Variants in WDR35 observed in about 807,000 individuals in gnomAD.
WDR35 encodes the protein WD repeat-containing protein 35.
In WDR35, 118 loss-of-function variants were observed where a neutral mutation model predicts 158.3. That is an observed-to-expected ratio of 0.75 (90% CI 0.64 to 0.87). WDR35 has a LOEUF of 0.87. Ranked by LOEUF, WDR35 falls within the 40% of genes least tolerant of loss-of-function variation. The pLI is 0.00. For missense variants in WDR35, 1,263 were observed against 1,405.8 expected (o/e 0.90, Z 1.62); for synonymous variants, 448 against 476.1 (o/e 0.94, Z 0.77).
intron 25 of WDR35, among the ~76,000 whole-genome samples, chr2:19,930,087 T>G (rs764900494): frequency 6.7e-6 from 1 of 150,144 alleles, no homozygotes; most frequent in Non-Finnish European, 1.5e-5. Context: ...AATAGATATA[T>G]GTATATATAT....
intron 2 of WDR35, among the ~76,000 whole-genome samples, chr2:19,986,763 G>A (rs1427756852): frequency 6.6e-6 from 1 of 152,144 alleles, no homozygotes; most frequent in Non-Finnish European, 1.5e-5. Context: ...GTAAAAAGAT[G>A]GATTGCTGGT....
intron 17 of WDR35, among the ~76,000 whole-genome samples, chr2:19,941,286 C>T (rs1050982128): frequency 2.6e-5 from 4 of 151,890 alleles, no homozygotes; most frequent in Non-Finnish European, 5.9e-5. Context: ...GATTATTTTA[C>T]AAAACCTGGA....
At chr2:19,918,865 A>C (rs756907055) in intron 25 of WDR35, among the ~76,000 whole-genome samples, 25 of 152,324 alleles carry the variant, frequency 1.6e-4, no homozygotes, top group Non-Finnish European at 3.4e-4. Context: ...AAGGATATGC[A>C]GGACTTGAAC....
intron 25 of WDR35, among the ~76,000 whole-genome samples, chr2:19,922,447 T>C (rs549405526): frequency 6.6e-6 from 1 of 152,064 alleles, no homozygotes; most frequent in African/African-American, 2.4e-5. Flanking sequence ...GAAACCATCA[T>C]TCTCAGCAAA....
At chr2:19,963,169 T>C (rs1671720227) in intron 10 of WDR35, among the ~76,000 whole-genome samples, 2 of 152,138 alleles carry the variant, frequency 1.3e-5, no homozygotes, top group Non-Finnish European at 2.9e-5. Context: ...TCCATCCCTC[T>C]CTCTATTTTT....
rs10202699 is a variant in WDR35, at chr2:19,983,541, T to A, written c.143-1007A>T. Among the ~76,000 whole-genome samples the A allele has an allele frequency of 3.8e-3, 586 of 152,350 alleles. 4 individuals carry two copies. The highest frequency in any genetic ancestry group is 0.014 in the African/African-American group (563 of 41,586). ...ATAAATTAATCTTGGCTTAGAAATC[T>A]GTTACACATAAAACATAGCATTTAA... On this transcript the variant is annotated intron_variant, in intron 2 of 26. Coordinates refer to ENST00000281405, the MANE Select transcript of WDR35 (RefSeq NM_020779.4).
intron 9 of WDR35, among the ~76,000 whole-genome samples, chr2:19,967,133 T>A (rs1671881668): frequency 6.6e-6 from 1 of 152,194 alleles, no homozygotes; most frequent in South Asian, 2.1e-4. Context: ...AAATTTAGTT[T>A]GTCTAACTTT....
chr2:19,936,124 G>A, intron 20 of WDR35, 95 bp downstream of exon 20: 1 of 1,557,484 alleles, frequency 6.4e-7, no homozygotes, highest in Non-Finnish European at 8.8e-7. Context: ...TCAAGAAAAT[G>A]ATCTTCATTT....
chr2:19,973,755 C>T, intron 7 of WDR35, 47 bp from the exon 8 acceptor site: 1 of 1,579,462 alleles, frequency 6.3e-7, no homozygotes, highest in Non-Finnish European at 8.6e-7. Flanking sequence ...AATACGTAGC[C>T]TAGAGAACTT....
rs367810877 is a variant in WDR35, at chr2:19,945,941, G to A, written c.1690C>T (p.Arg564Ter). ...TGCTGTCCCGTACTGTCCGTTACTC[G>A]AGCATCCAAGTCAAAGAAAGTCAGA... ...GVLTFFDLDA[R>*]VTDSTGQQVV... is the part of the protein sequence containing the mutation. Residue 564 changes from arginine to a stop codon, truncating the protein, a stop_gained, in exon 16 of 27, where the codon CGA (arginine) becomes TGA (stop). Transcript: ENST00000281405. LOFTEE classifies it high-confidence loss of function. 64 of 1,613,744 alleles carry A rather than the reference G, an allele frequency of 4.0e-5. No homozygotes were observed. The African/African-American group carries it at 7.2e-4, about 18-fold the overall frequency.
At chr2:19,937,090 T>A (rs1392275714) in intron 19 of WDR35, among the ~76,000 whole-genome samples, 1 of 152,194 alleles carries the variant, frequency 6.6e-6, no homozygotes, top group Non-Finnish European at 1.5e-5. Context: ...TAAGTCATAT[T>A]AGAGATCTCC....
At chr2:19,925,137 G>T (rs1390121977) in intron 25 of WDR35, among the ~76,000 whole-genome samples, 1 of 152,134 alleles carries the variant, frequency 6.6e-6, no homozygotes, top group Non-Finnish European at 1.5e-5. Context: ...CCTTCTGCCT[G>T]GGGAACCCCC....
intron 25 of WDR35, among the ~76,000 whole-genome samples, chr2:19,922,654 T>C (rs1670206450): frequency 6.6e-6 from 1 of 152,084 alleles, no homozygotes; most frequent in African/African-American, 2.4e-5. Context: ...CACCAACGCA[T>C]GTGTATACCT....
chr2:19,968,241 C>T (rs1271628609), intron 9 of WDR35, among the ~76,000 whole-genome samples: 1 of 152,182 alleles, frequency 6.6e-6, no homozygotes, highest in Non-Finnish European at 1.5e-5. Context: ...ACCTTTATCA[C>T]TTGGCCAAGG....
At chr2:19,941,250 G>A (rs1157722552) in intron 17 of WDR35, among the ~76,000 whole-genome samples, 1 of 152,018 alleles carries the variant, frequency 6.6e-6, no homozygotes, top group Non-Finnish European at 1.5e-5. Flanking sequence ...TCAAAATCAT[G>A]TCTTGAATTT....
chr2:19,930,659 T>C (rs1012316611), intron 24 of WDR35, 107 bp from the exon 25 acceptor site: 6 of 1,518,024 alleles, frequency 4.0e-6, no homozygotes, highest in Admixed American at 1.8e-5. Context: ...GATTTTATCA[T>C]TACAAAACTA....
At chr2:19,970,048 CG>C (rs1281909067) in intron 8 of WDR35, among the ~76,000 whole-genome samples, 1 of 152,006 alleles carries the variant, frequency 6.6e-6, no homozygotes, top group Non-Finnish European at 1.5e-5. Flanking sequence ...CACCCAGCCA[CG>C]TTTCTTGAAT....
In WDR35 at chr2:19,912,840, A is replaced by C. The variant is rs368391830; in HGVS notation, c.*718T>G. The C allele has an allele frequency of 1.3e-5, 2 of 152,264 alleles. No homozygotes were observed. The highest frequency in any genetic ancestry group is 4.8e-5 in the African/African-American group (2 of 41,472). The allele number at this position is 152,264 out of a possible 1,614,324, so 9.4% of individuals were successfully genotyped here. A position where few individuals can be genotyped will look rare whatever the true frequency, so the allele number is the denominator to read the frequency against. ...CAACTTAGTGACAATGTTTCAACAGAAGCTATAACTACAAAATGGATATTT... is the reference window on the plus strand; with the variant it reads ...CAACTTAGTGACAATGTTTCAACAGCAGCTATAACTACAAAATGGATATTT... On this transcript the variant is annotated 3_prime_UTR_variant, in exon 27 of 27. Transcript: ENST00000281405.
chr2:19,914,766 G>A (rs764031785), intron 25 of WDR35, among the ~76,000 whole-genome samples: 1 of 152,024 alleles, frequency 6.6e-6, no homozygotes, highest in Non-Finnish European at 1.5e-5. Flanking sequence ...TATTGCTTTT[G>A]TATTACTGCT....
Sources: gnomAD v4.1 joint callset for allele counts (sites outside exome capture counted in the v4.1 genomes callset) on GRCh38, gnomAD v4.1.1 for gene constraint, MANE v1.5 for transcripts, NCBI Gene and HGNC (gene_info 2026-07-23, HGNC 2026-07-21) for gene names.